APOBEC3A: variants seen among roughly 807,000 people sequenced by gnomAD.
APOBEC3A encodes apolipoprotein B mRNA editing enzyme catalytic subunit 3A, also known as DNA dC->dU-editing enzyme APOBEC-3A.
A neutral mutation model predicts 23.0 loss-of-function variants in APOBEC3A; 13 were observed. That is an observed-to-expected ratio of 0.57 (90% CI 0.37 to 0.90). The LOEUF is 0.90. Ranked by LOEUF, APOBEC3A falls within the 40% of genes least tolerant of loss-of-function variation. APOBEC3A has a pLI of 0.01. For missense variants in APOBEC3A, 179 were observed against 264.9 expected, an observed-to-expected ratio of 0.68 and a Z score of 2.25; for synonymous variants, 74 against 101.3, an observed-to-expected ratio of 0.73 and a Z score of 1.62.
chr22:38,958,489 TTC>T (rs1270825228), intron 1 of APOBEC3A, among the ~76,000 whole-genome samples: 2 of 148,104 alleles, frequency 1.4e-5, no homozygotes, highest in African/African-American at 5.1e-5. Context: ...CTTTCTTTCC[TTC>T]TTTCTTTCTT....
chr22:38,960,378 G>C (rs567103731), intron 2 of APOBEC3A, among the ~76,000 whole-genome samples: 6 of 152,090 alleles, frequency 3.9e-5, no homozygotes, highest in Non-Finnish European at 8.8e-5. Context: ...CTCCATCACC[G>C]CCTAAGCAGT....
Position 38,963,099 on chromosome 22 carries a change from C to T in APOBEC3A, c.*590C>T, listed in dbSNP as rs1922989434. 6.5e-6 allele frequency: 1 copy of T among 154,874 alleles called. No individual in the cohort carries two copies. The highest frequency in any genetic ancestry group is 2.4e-5 in the African/African-American group (1 of 41,000). 9.6% of individuals were successfully genotyped at this position (154,874 alleles called of 1,614,324 possible). On this transcript the variant is annotated 3_prime_UTR_variant, in exon 5 of 5. Transcript: ENST00000249116. ...ATGAAATGATAATTTGGCTTCATAT[C>T]TAGACTAACACAAAATTAAGAATCT...
At chr22:38,959,110 C>A (rs905502005) in intron 1 of APOBEC3A, among the ~76,000 whole-genome samples, 1 of 152,156 alleles carries the variant, frequency 6.6e-6, no homozygotes, top group African/African-American at 2.4e-5. Context: ...CCAGTCATCC[C>A]CCTCAGGAGT....
Position 38,960,284 on chromosome 22 carries a change from G to T in APOBEC3A, c.174+598G>T, listed in dbSNP as rs545659375. ...GCTTGGCTCCGGTGCTGGAAACTGG[G>T]ACCTTCTCTGGGCTCTATGAGCTCA... On this transcript the variant is annotated intron_variant, in intron 2 of 4. Transcript: ENST00000249116. Among the ~76,000 whole-genome samples, 106 of 152,330 alleles carry T rather than the reference G, an allele frequency of 7.0e-4. No individual in the cohort carries two copies. In the Middle Eastern group the frequency reaches 0.01, roughly 15 times the overall value.
At chr22:38,960,067 G>T (rs1181106320) in intron 2 of APOBEC3A, among the ~76,000 whole-genome samples, 1 of 152,208 alleles carries the variant, frequency 6.6e-6, no homozygotes, top group Non-Finnish European at 1.5e-5. Context: ...AGGCAGGAGA[G>T]GCTGACCAGG....
chr22:38,959,690 A>G lies in APOBEC3A; in HGVS notation c.174+4A>G. 1 of 1,612,552 alleles carries G rather than the reference A, an allele frequency of 6.2e-7. No individual in the cohort carries two copies. Among genetic ancestry groups the G allele is most frequent in the South Asian group, 1.1e-5 (1 of 91,008 alleles). On this transcript the variant is annotated splice_donor_region_variant and intron_variant, in intron 2 of 4. Coordinates refer to ENST00000249116, the MANE Select transcript of APOBEC3A (RefSeq NM_145699.4). ...CAGGGGCTTTCTACACAACCAGGTG[A>G]CCGACCCAGCCATCCGAATCCGGGC...
rs756267400 is a variant in APOBEC3A at position 38,961,643 on chromosome 22, G to A, written c.431G>A (p.Arg144Gln). ...TATAAGGAGGCACTGCAAATGCTGC[G>A]GGATGCTGGGGCCCAAGTCTCCATC... Reference protein sequence around the residue: ...PLYKEALQMLRDAGAQVSIMT... With the variant: ...PLYKEALQMLQDAGAQVSIMT... The change falls in exon 3 of 5, where the codon CGG (arginine) becomes CAG (glutamine). Residue 144 changes from arginine (R) to glutamine (Q), a missense_variant. By Grantham distance (43) the Arg-to-Gln change is conservative. Coordinates refer to ENST00000249116, the MANE Select transcript of APOBEC3A (RefSeq NM_145699.4). 56 of 1,490,574 alleles carry A rather than the reference G, an allele frequency of 3.8e-5. 4 individuals carry two copies. In the South Asian group the frequency reaches 3.8e-4, roughly 10 times the overall value. 92.3% of individuals were successfully genotyped at this position (1,490,574 alleles called of 1,614,324 possible). A position where few individuals can be genotyped will look rare whatever the true frequency, so the allele number is the denominator to read the frequency against.
At chr22:38,962,326 C>A in intron 4 of APOBEC3A, 113 bp downstream of exon 4, 6 of 1,578,830 alleles carry the variant, frequency 3.8e-6, no homozygotes, top group Non-Finnish European at 5.2e-6. Flanking sequence ...CTGCTCCCCA[C>A]AGGGCGCCCA....
intron 2 of APOBEC3A, among the ~76,000 whole-genome samples, chr22:38,960,713 T>C (rs1922841426): frequency 1.3e-5 from 2 of 152,338 alleles, no homozygotes; most frequent in Middle Eastern, 3.4e-3. Flanking sequence ...CCTAAGTCTA[T>C]ATCACATTTG....
At position 38,959,734 on chromosome 22, in the gene APOBEC3A, G is replaced by A. The variant is rs375631108; in HGVS notation, c.174+48G>A. On this transcript the variant is annotated intron_variant, in intron 2 of 4. Transcript: ENST00000249116. ...TCCGGGCAGGGCCCTTCCAATCCAG[G>A]GACATTCATAGGTAGAAGGTTCCGG... 6 of 1,595,262 alleles carry A rather than the reference G, an allele frequency of 3.8e-6. 1 individual carries two copies. The South Asian group carries it at 4.5e-5, about 12-fold the overall frequency.
In APOBEC3A at chr22:38,962,467, G is replaced by A. The variant is rs1402318995; in HGVS notation, c.586-28G>A. 1.9e-6 allele frequency: 3 copies of A among 1,598,258 alleles called. No homozygotes were observed. In the East Asian group the frequency reaches 6.9e-5, roughly 37 times the overall value. Reference sequence around the variant, plus strand: ...CCCTCTTTCCACTCTCTCACCTCCTGCTCCATTCAACCCCCCTGCTCTTCC... The same window carrying A: ...CCCTCTTTCCACTCTCTCACCTCCTACTCCATTCAACCCCCCTGCTCTTCC... On this transcript the variant is annotated intron_variant, in intron 4 of 4. Coordinates refer to ENST00000249116, the MANE Select transcript of APOBEC3A (RefSeq NM_145699.4).
At chr22:38,959,409 A>C in intron 1 of APOBEC3A, 133 bp from the exon 2 acceptor site, 2 of 1,039,298 alleles carry the variant, frequency 1.9e-6, no homozygotes, top group Non-Finnish European at 1.4e-6. Flanking sequence ...GGAGGTTTGG[A>C]AGTGTGCTAA....
At chr22:38,959,738 A>G in intron 2 of APOBEC3A, 52 bp downstream of exon 2, 2 of 1,589,772 alleles carry the variant, frequency 1.3e-6, no homozygotes, top group Non-Finnish European at 1.7e-6. Flanking sequence ...ATCCAGGGAC[A>G]TTCATAGGTA....
intron 1 of APOBEC3A, among the ~76,000 whole-genome samples, chr22:38,958,353 CTCT>C (rs1329376816): frequency 6.7e-6 from 1 of 148,554 alleles, no homozygotes; most frequent in Non-Finnish European, 1.5e-5. Context: ...TTCTCTCTCT[CTCT>C]TTCCTTCTTT....
At chr22:38,959,715 C>A (rs749085108) in intron 2 of APOBEC3A, 29 bp downstream of exon 2, 1 of 1,604,888 alleles carries the variant, frequency 6.2e-7, no homozygotes. Context: ...CGAATCCGGG[C>A]AGGGCCCTTC....
chr22:38,962,368 CCTT>C (rs1922942959), intron 4 of APOBEC3A, 124 bp from the exon 5 acceptor site: 2 of 1,553,884 alleles, frequency 1.3e-6, no homozygotes, highest in Non-Finnish European at 1.7e-6. Flanking sequence ...CTCACAGCCT[CCTT>C]CTCTTTCCCA....
chr22:38,962,049 C>A (rs1424237317), intron 3 of APOBEC3A, 49 bp from the exon 4 acceptor site: 11 of 1,576,976 alleles, frequency 7.0e-6, no homozygotes, highest in Non-Finnish European at 9.5e-6. Flanking sequence ...CTAGGTGCCA[C>A]CCCGATCCCA....
chr22:38,960,160 G>A (rs1404729105), intron 2 of APOBEC3A, among the ~76,000 whole-genome samples: 2 of 152,196 alleles, frequency 1.3e-5, no homozygotes, highest in East Asian at 1.9e-4. Context: ...AGCATTTGGG[G>A]AGGAGCTGGG....
chr22:38,958,469 C>T (rs1407041063), intron 1 of APOBEC3A, among the ~76,000 whole-genome samples: 1 of 147,866 alleles, frequency 6.8e-6, no homozygotes, highest in Non-Finnish European at 1.5e-5. Flanking sequence ...CCCTTCCTTC[C>T]TTTCTCTTTC....
Sources: gnomAD v4.1 joint callset for allele counts (sites outside exome capture counted in the v4.1 genomes callset) on GRCh38, gnomAD v4.1.1 for gene constraint, MANE v1.5 for transcripts, NCBI Gene and HGNC (gene_info 2026-07-23, HGNC 2026-07-21) for gene names.